SEMA3D: variants seen among roughly 807,000 people sequenced by gnomAD.
SEMA3D encodes the protein semaphorin 3D.
A neutral mutation model predicts 100.1 loss-of-function variants in SEMA3D; 84 were observed. The observed-to-expected ratio is 0.84, with a 90% confidence interval of 0.70 to 1.01. The LOEUF (loss-of-function observed/expected upper bound fraction) is 1.01. Among genes scored for constraint, SEMA3D ranks in the 50% least tolerant of loss-of-function variants. The probability of loss-of-function intolerance (pLI) is 0.00; values close to 1 mark genes in which losing one functional copy is unlikely to be tolerated. For synonymous variants in SEMA3D, 312 were observed against 320.7 expected (o/e 0.97, Z 0.29); for missense variants, 875 against 934.1 (o/e 0.94, Z 0.82).
intron 18 of SEMA3D, among the ~76,000 whole-genome samples, chr7:85,000,861 T>C (rs1374523032): frequency 6.6e-6 from 1 of 152,058 alleles, no homozygotes; most frequent in Non-Finnish European, 1.5e-5. Context: ...TATTGTTGAG[T>C]GGTTCAGCAT....
chr7:85,155,853 T>C (rs1790580277), intron 1 of SEMA3D, among the ~76,000 whole-genome samples: 1 of 152,132 alleles, frequency 6.6e-6, no homozygotes, highest in Non-Finnish European at 1.5e-5. Context: ...CAACAACAAT[T>C]AAATGCCGAG....
In SEMA3D at chr7:85,068,230, G is replaced by A; in HGVS notation, c.550C>T (p.Pro184Ser). Residue 184 changes from proline (P) to serine (S), a missense_variant, in exon 7 of 19, where the codon CCT becomes TCT. Pro to Ser is a moderately conservative substitution (Grantham distance 74). Transcript: ENST00000284136. ...GCAAAAGGCTGCTGAGGATCGAAAG[G>A]ACATTTCAGTCTGCCAGACTCCAAA... ...HNLESGRLKCPFDPQQPFASV... is the reference protein window; with the variant it reads ...HNLESGRLKCSFDPQQPFASV... 1.2e-6 allele frequency: 2 copies of A among 1,609,222 alleles called. No homozygotes were observed. Among genetic ancestry groups the A allele is most frequent in the Non-Finnish European group, 1.7e-6 (2 of 1,175,746 alleles).
At chr7:85,125,612 A>G (rs1239518112) in intron 2 of SEMA3D, among the ~76,000 whole-genome samples, 1 of 152,148 alleles carries the variant, frequency 6.6e-6, no homozygotes, top group East Asian at 1.9e-4. Flanking sequence ...AAGCCTTTAT[A>G]TATTTTTCTA....
chr7:85,056,062 T>C (rs1430527519), intron 8 of SEMA3D, among the ~76,000 whole-genome samples: 1 of 152,020 alleles, frequency 6.6e-6, no homozygotes, highest in Non-Finnish European at 1.5e-5. Flanking sequence ...ACTGAACAAG[T>C]TCTCCAGGAA....
intron 15 of SEMA3D, among the ~76,000 whole-genome samples, chr7:85,015,577 C>T (rs1790075798): frequency 6.6e-6 from 1 of 151,794 alleles, no homozygotes; most frequent in Non-Finnish European, 1.5e-5. Context: ...AGCTCACGGT[C>T]TTCCCAAGAC....
At chr7:85,147,572 G>C (rs1242914499) in intron 2 of SEMA3D, among the ~76,000 whole-genome samples, 1 of 152,044 alleles carries the variant, frequency 6.6e-6, no homozygotes, top group Admixed American at 6.6e-5. Flanking sequence ...ACAATGCCTT[G>C]ATCAATTTAG....
intron 4 of SEMA3D, among the ~76,000 whole-genome samples, chr7:85,084,462 T>G (rs1228098790): frequency 6.6e-6 from 1 of 152,200 alleles, no homozygotes; most frequent in Non-Finnish European, 1.5e-5. Context: ...TTTATATCAT[T>G]GGACTGAAAA....
chr7:85,065,656 A>C (rs2116145029), intron 7 of SEMA3D, 104 bp from the exon 8 acceptor site: 1 of 804,434 alleles, frequency 1.2e-6, no homozygotes, highest in Admixed American at 2.4e-5. Context: ...TTTGTTTCTT[A>C]ATATCAGAAT....
At position 85,072,157 on chromosome 7, in the gene SEMA3D, C is replaced by T. The variant is rs559156418; in HGVS notation, c.495+805G>A. ...TGGCATGAAGTCCATAACACAAGGA[C>T]AGTAAACTAAAGTACTGGTAAATAA... On this transcript the variant is annotated intron_variant, in intron 6 of 18. Coordinates refer to ENST00000284136, the MANE Select transcript of SEMA3D (RefSeq NM_001384900.1). Among the ~76,000 whole-genome samples the T allele has an allele frequency of 3.3e-5, 5 of 152,232 alleles. No homozygotes were observed. The East Asian group carries it at 5.8e-4, about 18-fold the overall frequency.
chr7:85,003,286 T>C (rs759293832), intron 18 of SEMA3D, among the ~76,000 whole-genome samples: 11 of 151,998 alleles, frequency 7.2e-5, no homozygotes, highest in Non-Finnish European at 1.2e-4. Flanking sequence ...AAGTAAACAT[T>C]AGAAAAGGGA....
At chr7:85,229,464 A>T in the SEMA3D span, among the ~76,000 whole-genome samples, 2 of 152,064 alleles carry the variant, frequency 1.3e-5, no homozygotes, top group African/African-American at 4.8e-5. Context: ...TTTCTACACC[A>T]TTGGATTTTA....
the SEMA3D span, among the ~76,000 whole-genome samples, chr7:85,213,318 A>G: frequency 7.4e-4 from 113 of 152,164 alleles, no homozygotes; most frequent in African/African-American, 2.6e-3. Context: ...GTTTCTACAA[A>G]TGCTAAAAGT....
intron 17 of SEMA3D, among the ~76,000 whole-genome samples, chr7:85,009,145 T>C (rs190029826): frequency 6.6e-6 from 1 of 151,854 alleles, no homozygotes; most frequent in Non-Finnish European, 1.5e-5. Context: ...AATAGCTTCT[T>C]ATTACATGTA....
Position 85,098,107 on chromosome 7 carries a change from G to GAGAA in SEMA3D, c.152-146_152-143dup, listed in dbSNP as rs145965036. 5 of 559,694 alleles carry GAGAA rather than the reference G, an allele frequency of 8.9e-6. No homozygotes were observed. The African/African-American group carries it at 9.7e-5, about 11-fold the overall frequency. 34.7% of individuals were successfully genotyped at this position (559,694 alleles called of 1,614,324 possible). On this transcript the variant is annotated intron_variant, in intron 3 of 18. Transcript: ENST00000284136. ...AAGAAAGAAAAAAGAAAGAAAGAAA[G>GAGAA]AGAAAGAAAGAAAGAATTAGTAATA...
chr7:85,188,414 C>G (rs1196282028), upstream of SEMA3D, among the ~76,000 whole-genome samples: 1 of 152,114 alleles, frequency 6.6e-6, no homozygotes. Context: ...ACTATAGCAA[C>G]TTTTATTTTT....
chr7:85,226,226 C>T, the SEMA3D span, among the ~76,000 whole-genome samples: 4 of 152,042 alleles, frequency 2.6e-5, no homozygotes, highest in Admixed American at 2.6e-4. Flanking sequence ...AAAAAAAACT[C>T]TTTTTTTCTT....
chr7:85,234,082 G>A, the SEMA3D span, among the ~76,000 whole-genome samples: 1 of 152,148 alleles, frequency 6.6e-6, no homozygotes, highest in East Asian at 1.9e-4. Context: ...GTTTTTGGTG[G>A]TAAAGAGGAA....
the SEMA3D span, among the ~76,000 whole-genome samples, chr7:85,246,802 C>T: frequency 6.6e-6 from 1 of 151,620 alleles, no homozygotes; most frequent in Admixed American, 6.6e-5. Context: ...ACCCAGGAGA[C>T]ATGTATAAGG....
rs1788613433 is a variant in SEMA3D, at chr7:85,097,886, C to T, written c.231G>A (p.Glu77=). 1 of 1,609,434 alleles carries T rather than the reference C, an allele frequency of 6.2e-7. No homozygotes were observed. The highest frequency in any genetic ancestry group is 8.5e-7 in the Non-Finnish European group (1 of 1,176,896). The change falls in exon 4 of 19, where the codon GAG becomes GAA. Residue 77 remains glutamate (E), a synonymous_variant. Coordinates refer to ENST00000284136, the MANE Select transcript of SEMA3D (RefSeq NM_001384900.1). ...GLDFQTLLLD[E]ERGRLLLGAK... is the part of the protein sequence containing the mutation. ...CTCCCAAGAGCAGCCTGCCTCTTTC[C>T]TCATCTAAGAGAAGAGTTTGAAAAT...
Sources: gnomAD v4.1 joint callset for allele counts (sites outside exome capture counted in the v4.1 genomes callset) on GRCh38, gnomAD v4.1.1 for gene constraint, MANE v1.5 for transcripts, NCBI Gene and HGNC (gene_info 2026-07-23, HGNC 2026-07-21) for gene names.